Variants in ATP12A observed in about 807,000 individuals in gnomAD.
ATP12A encodes the protein potassium-transporting ATPase alpha chain 2.
A neutral mutation model predicts 111.2 loss-of-function variants in ATP12A; 81 were observed. The ratio of observed to expected loss-of-function variants is 0.73; its 90% CI spans 0.61 to 0.88. The LOEUF (loss-of-function observed/expected upper bound fraction) is 0.88. Among genes scored for constraint, ATP12A ranks in the 40% least tolerant of loss-of-function variants. The pLI is 0.00. For missense variants in ATP12A, 1,196 were observed against 1,313.1 expected (o/e 0.91, Z 1.38); for synonymous variants, 498 against 499.8 (o/e 1.00, Z 0.05).
intron 4 of ATP12A, among the ~76,000 whole-genome samples, chr13:24,688,805 C>T (rs771506639): frequency 7.2e-5 from 11 of 152,170 alleles, no homozygotes; most frequent in South Asian, 2.1e-4. Flanking sequence ...TCCTTTAACA[C>T]GGAGAGCAGC....
chr13:24,688,806 G>A (rs1443030683), intron 4 of ATP12A, among the ~76,000 whole-genome samples: 3 of 152,188 alleles, frequency 2.0e-5, no homozygotes, highest in African/African-American at 2.4e-5. Context: ...CCTTTAACAC[G>A]GAGAGCAGCT....
chr13:24,682,151 G>GTGTGTGTGGTGTGTGTA (rs369202804), intron 2 of ATP12A, among the ~76,000 whole-genome samples: 11 of 117,664 alleles, frequency 9.3e-5, no homozygotes, highest in African/African-American at 3.6e-4. Flanking sequence ...TGTGTGTGGT[G>GTGTGTGTGGTGTGTGTA]TGTGTGTGGT....
At chr13:24,710,750 C>G in intron 20 of ATP12A, 42 bp from the exon 21 acceptor site, 1 of 1,607,980 alleles carries the variant, frequency 6.2e-7, no homozygotes, top group Non-Finnish European at 8.5e-7. Flanking sequence ...GATCATGAAG[C>G]CACAAGAATC....
Position 24,690,619 on chromosome 13 carries a change from C to G in ATP12A, c.697C>G (p.Leu233Val). Residue 233 changes from leucine (L) to valine (V), a missense_variant, in exon 7 of 23, where the codon CTC (leucine) becomes GTC (valine). Around this residue, in one of 3 missense-constraint regions of ATP12A, gnomAD observed 1,126 missense variants for 1,228.5 expected, o/e 0.92. Transcript: ENST00000381946. ...SQGCRVDNSS[L>V]TGESEPQPRS... Reference sequence around the variant, plus strand: ...TTTCTTCTAGGTGGATAACTCATCTCTCACGGGGGAGTCTGAGCCCCAGCC... The same window carrying G: ...TTTCTTCTAGGTGGATAACTCATCTGTCACGGGGGAGTCTGAGCCCCAGCC... The G allele has an allele frequency of 6.2e-7, 1 of 1,612,330 alleles. No homozygotes were observed. Among genetic ancestry groups the G allele is most frequent in the Non-Finnish European group, 8.5e-7 (1 of 1,179,322 alleles).
Position 24,706,697 on chromosome 13 carries a change from A to G in ATP12A, c.2169+234A>G, listed in dbSNP as rs965394257. Among the ~76,000 whole-genome samples, 17 of 152,196 alleles carry G rather than the reference A, an allele frequency of 1.1e-4. 1 individual carries two copies. The highest frequency in any genetic ancestry group is 4.1e-4 in the African/African-American group (17 of 41,440). On this transcript the variant is annotated intron_variant, in intron 15 of 22. Transcript: ENST00000381946. ...TCACCCCAGCTCTCTGCATTTTGTCATGAGAGCCCGGTGAAGCATTTGCCA... is the reference window on the plus strand; with the variant it reads ...TCACCCCAGCTCTCTGCATTTTGTCGTGAGAGCCCGGTGAAGCATTTGCCA...
At position 24,696,644 on chromosome 13, in the gene ATP12A, G is replaced by A. The variant is rs891460602; in HGVS notation, c.1513-2014G>A. Reference sequence around the variant, plus strand: ...GGAGAATGGCGTGAACCCGGGAAGCGGAGCTTGCAGTGAGCCGAGATTGCG... The same window carrying A: ...GGAGAATGGCGTGAACCCGGGAAGCAGAGCTTGCAGTGAGCCGAGATTGCG... On this transcript the variant is annotated intron_variant, in intron 11 of 22. Transcript: ENST00000381946. Among the ~76,000 whole-genome samples, 136 of 96,266 alleles carry A rather than the reference G, an allele frequency of 1.4e-3. 14 individuals are homozygous for A. Among genetic ancestry groups the A allele is most frequent in the Non-Finnish European group, 1.9e-3 (86 of 45,874 alleles). 63.2% of individuals were successfully genotyped at this position (96,266 alleles called of 152,430 possible).
chr13:24,681,186 G>T (rs1566067447), intron 1 of ATP12A, among the ~76,000 whole-genome samples: 1 of 152,076 alleles, frequency 6.6e-6, no homozygotes, highest in Non-Finnish European at 1.5e-5. Context: ...CCCTGGGAAG[G>T]ACACCTCAGA....
chr13:24,708,907 AAGAAAG>A (rs1409074126), intron 17 of ATP12A, among the ~76,000 whole-genome samples: 2 of 93,216 alleles, frequency 2.1e-5, no homozygotes, highest in African/African-American at 9.6e-5. Flanking sequence ...AAAGGAAAGA[AAGAAAG>A]AAAGAAAGAA....
In ATP12A at chr13:24,688,192, G is replaced by A. The variant is rs1874736912; in HGVS notation, c.229-127G>A. The A allele has an allele frequency of 6.8e-6, 7 of 1,036,440 alleles. No homozygotes were observed. The South Asian group carries it at 1.3e-4, about 19-fold the overall frequency. The allele number at this position is 1,036,440 out of a possible 1,614,324, so 64.2% of individuals were successfully genotyped here. ...GTGAGGCACGGTCTGCTTTTCTCGG[G>A]ACCTTCTTTGGCCACGTTAATGCCT... On this transcript the variant is annotated intron_variant, in intron 3 of 22. Transcript: ENST00000381946.
rs773901247 is a variant in ATP12A at position 24,702,037 on chromosome 13, C to T, written c.1984C>T (p.Arg662Cys). Reference protein sequence around the residue: ...NSETVEDIAHRLNIAVEQVNK... With the variant: ...NSETVEDIAHCLNIAVEQVNK... Reference sequence around the variant, plus strand: ...TGAAACAGTGGAAGACATTGCACATCGCCTCAACATTGCTGTGGAGCAAGT... The same window carrying T: ...TGAAACAGTGGAAGACATTGCACATTGCCTCAACATTGCTGTGGAGCAAGT... The change falls in exon 14 of 23, where the codon CGC becomes TGC. Residue 662 changes from arginine (R) to cysteine (C), a missense_variant. By Grantham distance (180) the Arg-to-Cys change is radical. Coordinates refer to ENST00000381946, the MANE Select transcript of ATP12A (RefSeq NM_001676.7). 34 of 1,614,080 alleles carry T rather than the reference C, an allele frequency of 2.1e-5. No homozygotes were observed. The highest frequency in any genetic ancestry group is 1.6e-4 in the Middle Eastern group (1 of 6,084).
At chr13:24,700,223 G>C (rs1393900907) in intron 12 of ATP12A, among the ~76,000 whole-genome samples, 1 of 152,160 alleles carries the variant, frequency 6.6e-6, no homozygotes, top group Non-Finnish European at 1.5e-5. Flanking sequence ...TCTTGATCTA[G>C]CACTGAACTT....
At chr13:24,691,329 G>T in intron 8 of ATP12A, 79 bp downstream of exon 8, 1 of 1,488,480 alleles carries the variant, frequency 6.7e-7, no homozygotes, top group Non-Finnish European at 9.0e-7. Flanking sequence ...CACACAAACT[G>T]CAATCTCCCC....
In ATP12A at chr13:24,685,375, T is replaced by G. The variant is rs771295056; in HGVS notation, c.228+2T>G. The G allele has an allele frequency of 1.2e-6, 2 of 1,613,736 alleles. No homozygotes were observed. Among genetic ancestry groups the G allele is most frequent in the African/African-American group, 1.3e-5 (1 of 74,864 alleles). ...AAATATGGCACAGACATCATTATGGTGAGTCGTGGGAACCAGGGATTTGGA... is the reference window on the plus strand; with the variant it reads ...AAATATGGCACAGACATCATTATGGGGAGTCGTGGGAACCAGGGATTTGGA... On this transcript the variant is annotated splice_donor_variant, in intron 3 of 22. Transcript: ENST00000381946. LOFTEE classifies it high-confidence loss of function. The surrounding 1 kb of genome is among the most constrained non-coding windows in gnomAD (Gnocchi z 5.5).
Position 24,692,531 on chromosome 13 carries a change from G to T in ATP12A, c.1171G>T (p.Asp391Tyr). 6.2e-6 allele frequency: 10 copies of T among 1,611,694 alleles called. No individual in the cohort carries two copies. The highest frequency in any genetic ancestry group is 8.5e-6 in the Non-Finnish European group (10 of 1,180,016). ...CGGCTCCACCTCCATCATCTGCTCG[G>T]ACAAGACTGGGACACTGACCCAGAA... ...TLGSTSIICSDKTGTLTQNRM... is the reference protein window; with the variant it reads ...TLGSTSIICSYKTGTLTQNRM... Residue 391 changes from aspartate (D) to tyrosine (Y), a missense_variant, in exon 9 of 23, where the codon GAC becomes TAC. Physicochemically the swap from Asp to Tyr is radical, Grantham distance 160. Around this residue, in one of 3 missense-constraint regions of ATP12A, gnomAD observed 1,126 missense variants for 1,228.5 expected, o/e 0.92. Transcript: ENST00000381946.
At chr13:24,704,926 A>G (rs1256313737) in intron 14 of ATP12A, 1 of 152,352 alleles carries the variant, frequency 6.6e-6, no homozygotes, top group African/African-American at 2.4e-5. Flanking sequence ...CTCTAGTTTC[A>G]TGACCATATA....
intron 14 of ATP12A, among the ~76,000 whole-genome samples, chr13:24,704,075 GC>G (rs1259140462): frequency 1.7e-4 from 26 of 151,562 alleles, no homozygotes; most frequent in African/African-American, 6.3e-4. Context: ...AAATCTCATT[GC>G]AGCCTCCACC....
Position 24,711,320 on chromosome 13 carries a change from C to A in ATP12A, c.3002C>A (p.Ala1001Asp). The A allele has an allele frequency of 1.3e-6, 2 of 1,597,210 alleles. No homozygotes were observed. The highest frequency in any genetic ancestry group is 8.5e-7 in the Non-Finnish European group (1 of 1,170,664). Reference protein sequence around the residue: ...VTALSFTMLRAQYWFVAVPHA... With the variant: ...VTALSFTMLRDQYWFVAVPHA... Reference sequence around the variant, plus strand: ...ACTTTCCATCCCTTTGCTTCCAGGGCTCAGTACTGGTTTGTGGCTGTGCCG... The same window carrying A: ...ACTTTCCATCCCTTTGCTTCCAGGGATCAGTACTGGTTTGTGGCTGTGCCG... The change falls in exon 22 of 23, where the codon GCT becomes GAT. Residue 1001 changes from alanine to aspartate, a missense_variant and splice_region_variant. Coordinates refer to ENST00000381946, the MANE Select transcript of ATP12A (RefSeq NM_001676.7).
intron 17 of ATP12A, among the ~76,000 whole-genome samples, chr13:24,708,797 C>T (rs1433157761): frequency 1.4e-5 from 2 of 146,814 alleles, no homozygotes; most frequent in Non-Finnish European, 3.0e-5. Flanking sequence ...CACCCATTGT[C>T]TTTTAAAAAA....
chr13:24,683,360 GCT>G (rs762299807), intron 2 of ATP12A, among the ~76,000 whole-genome samples: 1 of 152,200 alleles, frequency 6.6e-6, no homozygotes, highest in Non-Finnish European at 1.5e-5. Flanking sequence ...CTTGAGATGG[GCT>G]GGATTGTCCC....
Sources: allele counts gnomAD v4.1 joint callset (sites outside exome capture counted in the v4.1 genomes callset), GRCh38; gene constraint gnomAD v4.1.1; regional missense constraint gnomAD v4.1.1; non-coding constraint Gnocchi (gnomAD v3.1); transcripts MANE v1.5; gene names NCBI Gene and HGNC (gene_info 2026-07-23, HGNC 2026-07-21).